Variants in LCLAT1 observed in about 807,000 individuals in gnomAD.
The protein encoded by LCLAT1 is 1-AGP acyltransferase 8.
Under a neutral mutation model 30.7 loss-of-function variants are expected in LCLAT1, and 11 were observed. The observed-to-expected ratio is 0.36, with a 90% CI of 0.23 to 0.59. The LOEUF (loss-of-function observed/expected upper bound fraction) is 0.59, where lower values mean the gene tolerates loss of function less well. LCLAT1 is among the 20% of genes least tolerant of loss of function. The probability of loss-of-function intolerance (pLI) is 0.77; values close to 1 mark genes in which losing one functional copy is unlikely to be tolerated. For missense variants in LCLAT1, 402 were observed against 458.6 expected, an observed-to-expected ratio of 0.88 and a Z score of 1.13; for synonymous variants, 155 against 151.3, an observed-to-expected ratio of 1.02 and a Z score of -0.18.
At chr2:30,506,226 G>A (rs2148350538) in intron 1 of LCLAT1, among the ~76,000 whole-genome samples, 1 of 152,208 alleles carries the variant, frequency 6.6e-6, no homozygotes, top group East Asian at 1.9e-4. Context: ...TCGGAAGAAT[G>A]AAACTGTGTA....
intron 5 of LCLAT1, among the ~76,000 whole-genome samples, chr2:30,618,943 G>A (rs1482307744): frequency 6.6e-6 from 1 of 151,630 alleles, no homozygotes; most frequent in Non-Finnish European, 1.5e-5. Flanking sequence ...AATCTCTAGT[G>A]CCAGGTGTCT....
intron 1 of LCLAT1, among the ~76,000 whole-genome samples, chr2:30,501,848 T>C (rs1034877388): frequency 1.3e-5 from 2 of 152,218 alleles, no homozygotes; most frequent in Non-Finnish European, 2.9e-5. Flanking sequence ...ATATCAACTT[T>C]TATATGTATG....
chr2:30,581,878 A>G (rs1161789311), intron 5 of LCLAT1, among the ~76,000 whole-genome samples: 1 of 152,186 alleles, frequency 6.6e-6, no homozygotes, highest in African/African-American at 2.4e-5. Flanking sequence ...TTGATTGTAT[A>G]CTTGTAAATA....
At chr2:30,573,031 C>T (rs1444351031) in intron 5 of LCLAT1, among the ~76,000 whole-genome samples, 2 of 152,066 alleles carry the variant, frequency 1.3e-5, no homozygotes, top group Non-Finnish European at 2.9e-5. Flanking sequence ...TTTCTCAATA[C>T]TGGTTCATTT....
intron 1 of LCLAT1, among the ~76,000 whole-genome samples, chr2:30,455,629 G>C (rs1681794732): frequency 6.6e-6 from 1 of 152,058 alleles, no homozygotes; most frequent in Non-Finnish European, 1.5e-5. Context: ...GCTGGGTGTG[G>C]TGGCTCACGC....
chr2:30,635,932 A>G (rs146276291), intron 5 of LCLAT1, among the ~76,000 whole-genome samples: 68 of 152,312 alleles, frequency 4.5e-4, no homozygotes, highest in African/African-American at 1.4e-3. Context: ...TGTGCTAGGT[A>G]CTGAGTCTAA....
intron 1 of LCLAT1, among the ~76,000 whole-genome samples, chr2:30,509,357 A>G (rs1216090366): frequency 6.6e-6 from 1 of 152,142 alleles, no homozygotes; most frequent in South Asian, 2.1e-4. Flanking sequence ...ATCAAGGGGA[A>G]TGCCTTCACT....
intron 5 of LCLAT1, among the ~76,000 whole-genome samples, chr2:30,599,409 C>T (rs1667077736): frequency 1.3e-5 from 2 of 152,210 alleles, no homozygotes; most frequent in Admixed American, 1.3e-4. Context: ...TATTTTAGAG[C>T]AAGTGCCATG....
At chr2:30,617,938 C>T (rs1011749815) in intron 5 of LCLAT1, among the ~76,000 whole-genome samples, 1 of 152,078 alleles carries the variant, frequency 6.6e-6, no homozygotes, top group East Asian at 1.9e-4. Flanking sequence ...CAATCTGTGG[C>T]TTGCATTTTT....
At chr2:30,616,543 A>G (rs1452993886) in intron 5 of LCLAT1, among the ~76,000 whole-genome samples, 1 of 152,170 alleles carries the variant, frequency 6.6e-6, no homozygotes, top group East Asian at 1.9e-4. Context: ...TTCTCTGTGA[A>G]TTCTAATTGA....
chr2:30,571,377 A>G (rs1009105153), intron 5 of LCLAT1, among the ~76,000 whole-genome samples: 2 of 152,232 alleles, frequency 1.3e-5, no homozygotes, highest in African/African-American at 2.4e-5. Flanking sequence ...ATGTTTGTCT[A>G]CAATAGTTCT....
intron 4 of LCLAT1, among the ~76,000 whole-genome samples, chr2:30,565,868 T>C (rs974636141): frequency 6.6e-6 from 1 of 152,080 alleles, no homozygotes; most frequent in Non-Finnish European, 1.5e-5. Flanking sequence ...TCTGTTTAAG[T>C]AGGGACTAAA....
At chr2:30,628,702 T>TC (rs1668628606) in intron 5 of LCLAT1, among the ~76,000 whole-genome samples, 4 of 152,164 alleles carry the variant, frequency 2.6e-5, no homozygotes, top group Non-Finnish European at 4.4e-5. Flanking sequence ...ACCAACTTGG[T>TC]ATTTCAGTAC....
Position 30,640,710 on chromosome 2 carries a change from T to G in LCLAT1, c.*91T>G. The G allele has an allele frequency of 7.1e-7, 1 of 1,405,368 alleles. No homozygotes were observed. The highest frequency in any genetic ancestry group is 2.3e-5 in the East Asian group (1 of 42,838). The allele number at this position is 1,405,368 out of a possible 1,614,324, so 87.1% of individuals were successfully genotyped here. A position where few individuals can be genotyped will look rare whatever the true frequency, so the allele number is the denominator to read the frequency against. ...TCAGATGCATTTTTGCATGACTATG[T>G]CGAATATTTCTTACTGCCATCATTA... is the stretch of plus-strand genomic sequence containing the variant. On this transcript the variant is annotated 3_prime_UTR_variant, in exon 6 of 6. Transcript: ENST00000379509.
rs1664238476 is a variant in LCLAT1, at chr2:30,543,211, C to G, written c.364+9897C>G. On this transcript the variant is annotated intron_variant, in intron 3 of 5. Coordinates refer to ENST00000379509, the MANE Select transcript of LCLAT1 (RefSeq NM_001002257.3). The stretch of plus-strand genomic sequence containing the variant: ...TTTGGTTTTAATGCTTTTTCTGTAC[C>G]TCTTAGAATGATAAGATGAATTTTC... Among the ~76,000 whole-genome samples, 3 of 152,008 alleles carry G rather than the reference C, an allele frequency of 2.0e-5. No individual in the cohort carries two copies. The South Asian group carries it at 6.2e-4, about 31-fold the overall frequency.
At chr2:30,465,008 C>T (rs1163689700) in intron 1 of LCLAT1, among the ~76,000 whole-genome samples, 1 of 152,090 alleles carries the variant, frequency 6.6e-6, no homozygotes, top group African/African-American at 2.4e-5. Context: ...CCATGCCTGG[C>T]CAGGCCTGTT....
chr2:30,632,309 C>G (rs1368859518), intron 5 of LCLAT1, among the ~76,000 whole-genome samples: 1 of 152,142 alleles, frequency 6.6e-6, no homozygotes, highest in African/African-American at 2.4e-5. Flanking sequence ...GACAGGTGGC[C>G]AATGATCCTA....
At chr2:30,567,743 A>G (rs939370755) in intron 4 of LCLAT1, among the ~76,000 whole-genome samples, 1 of 152,160 alleles carries the variant, frequency 6.6e-6, no homozygotes, top group African/African-American at 2.4e-5. Flanking sequence ...TTAAGATGGG[A>G]CTTTAGAACA....
At chr2:30,463,348 A>G (rs1682262776) in intron 1 of LCLAT1, among the ~76,000 whole-genome samples, 2 of 152,276 alleles carry the variant, frequency 1.3e-5, no homozygotes, top group Middle Eastern at 3.4e-3. Context: ...ATTAATATAT[A>G]AACGTTATCA....
Sources: allele counts gnomAD v4.1 joint callset (sites outside exome capture counted in the v4.1 genomes callset), GRCh38; gene constraint gnomAD v4.1.1; transcripts MANE v1.5; gene names NCBI Gene and HGNC (gene_info 2026-07-23, HGNC 2026-07-21).